Variants in CASQ2 observed in about 807,000 individuals in gnomAD.
The protein encoded by CASQ2 is calsequestrin-2.
Under a neutral mutation model 46.5 loss-of-function variants are expected in CASQ2, and 49 were observed. That is an observed-to-expected ratio of 1.05 (90% CI 0.84 to 1.34). The LOEUF (loss-of-function observed/expected upper bound fraction) is 1.34, where lower values mean the gene tolerates loss of function less well. Ranked by LOEUF, CASQ2 falls within the 40% of genes most tolerant of loss-of-function variation. The pLI is 0.00. For missense variants in CASQ2, 486 were observed against 481.3 expected (o/e 1.01, Z -0.09); for synonymous variants, 174 against 168.5 (o/e 1.03, Z -0.25).
chr1:115,726,890 A>T (rs180818439), intron 6 of CASQ2, 102 bp downstream of exon 6: 1 of 873,942 alleles, frequency 1.1e-6, no homozygotes, highest in Non-Finnish European at 1.9e-6. Flanking sequence ...TGGGGTACTA[A>T]CTAGGTTGTT....
intron 7 of CASQ2, among the ~76,000 whole-genome samples, chr1:115,724,984 A>T (rs78629413): frequency 0.068 from 10,386 of 152,260 alleles, 474 homozygotes; most frequent in Middle Eastern, 0.12. Flanking sequence ...AATTTTGCCT[A>T]GTGAGTAGTA....
At chr1:115,733,056 T>C in intron 4 of CASQ2, 82 bp from the exon 5 acceptor site, 1 of 953,990 alleles carries the variant, frequency 1.0e-6, no homozygotes, top group Non-Finnish European at 1.7e-6. Flanking sequence ...GTGTAGAGAG[T>C]AGAAAGCCAA....
intron 1 of CASQ2, among the ~76,000 whole-genome samples, chr1:115,758,189 C>T (rs1325589428): frequency 6.6e-6 from 1 of 152,250 alleles, no homozygotes; most frequent in African/African-American, 2.4e-5. Flanking sequence ...TCAAACTCTG[C>T]TTCACAATCT....
At chr1:115,718,858 C>T (rs1167642837) in intron 7 of CASQ2, among the ~76,000 whole-genome samples, 1 of 152,108 alleles carries the variant, frequency 6.6e-6, no homozygotes, top group Non-Finnish European at 1.5e-5. Flanking sequence ...TTGGAAGGGG[C>T]TCTGCTATCA....
At chr1:115,767,346 A>G (rs956290513) in intron 1 of CASQ2, among the ~76,000 whole-genome samples, 8 of 152,196 alleles carry the variant, frequency 5.3e-5, no homozygotes, top group African/African-American at 1.9e-4. Context: ...GGATTTTATT[A>G]CAGTCAATTT....
At chr1:115,767,910 A>G (rs1649188592) in intron 1 of CASQ2, among the ~76,000 whole-genome samples, 1 of 152,122 alleles carries the variant, frequency 6.6e-6, no homozygotes, top group African/African-American at 2.4e-5. Context: ...TCATGGGGAG[A>G]TTTGAGGGAG....
chr1:115,742,242 A>G (rs1648209703), intron 2 of CASQ2, among the ~76,000 whole-genome samples: 2 of 151,606 alleles, frequency 1.3e-5, no homozygotes, highest in African/African-American at 4.8e-5. Context: ...TATACTATAT[A>G]TGTATATTAC....
intron 1 of CASQ2, 62 bp downstream of exon 1, chr1:115,768,246 C>T: frequency 9.1e-7 from 1 of 1,100,318 alleles, no homozygotes; most frequent in Non-Finnish European, 1.4e-6. Context: ...AACCCCTGGC[C>T]AAAGGCATTC....
chr1:115,744,990 G>A, intron 1 of CASQ2, 78 bp from the exon 2 acceptor site: 1 of 1,026,448 alleles, frequency 9.7e-7, no homozygotes, highest in South Asian at 1.3e-5. Context: ...CTATCCTCAT[G>A]TATCAATGGA....
At chr1:115,739,396 T>G (rs891052438) in intron 3 of CASQ2, among the ~76,000 whole-genome samples, 2 of 152,116 alleles carry the variant, frequency 1.3e-5, no homozygotes, top group Non-Finnish European at 2.9e-5. Context: ...ATTACAGGCA[T>G]GAGCCACCAC....
At chr1:115,759,042 C>T (rs140620834) in intron 1 of CASQ2, among the ~76,000 whole-genome samples, 78 of 152,272 alleles carry the variant, frequency 5.1e-4, no homozygotes, top group Non-Finnish European at 8.2e-4. Flanking sequence ...GTGTGATTTA[C>T]ATAGGTTGTC....
intron 1 of CASQ2, among the ~76,000 whole-genome samples, chr1:115,764,552 C>A (rs1178107218): frequency 6.6e-6 from 1 of 152,168 alleles, no homozygotes; most frequent in Non-Finnish European, 1.5e-5. Context: ...GGAATCAGAA[C>A]TGCCAGCTGT....
At chr1:115,720,217 C>T (rs969703460) in intron 7 of CASQ2, among the ~76,000 whole-genome samples, 3 of 152,078 alleles carry the variant, frequency 2.0e-5, no homozygotes, top group Admixed American at 6.5e-5. Context: ...ATTTATTTCT[C>T]ACTGTTATGG....
intron 1 of CASQ2, among the ~76,000 whole-genome samples, chr1:115,756,434 G>A (rs1276296398): frequency 1.3e-5 from 2 of 152,184 alleles, no homozygotes; most frequent in African/African-American, 2.4e-5. Flanking sequence ...CATTTTGAAT[G>A]AGCACTAAAG....
In CASQ2 at chr1:115,705,269, G is replaced by C. The variant is rs772096506; in HGVS notation, c.862C>G (p.Leu288Val). 11 of 1,613,450 alleles carry C rather than the reference G, an allele frequency of 6.8e-6. No homozygotes were observed. In the Admixed American group the frequency reaches 1.8e-4, roughly 27 times the overall value. The change falls in exon 9 of 11, where the codon CTG becomes GTG. Residue 288 changes from leucine to valine, a missense_variant. Transcript: ENST00000261448. Reference sequence around the variant, plus strand: ...GTATTGTCCCGGGCAACCTGTTTCAGGATCTCCAGGAATTCGTAGCCATCT... The same window carrying C: ...GTATTGTCCCGGGCAACCTGTTTCACGATCTCCAGGAATTCGTAGCCATCT... ...DPDGYEFLEI[L>V]KQVARDNTDN...
chr1:115,718,463 T>G (rs139522834), intron 7 of CASQ2, among the ~76,000 whole-genome samples: 95 of 152,304 alleles, frequency 6.2e-4, no homozygotes, highest in African/African-American at 2.2e-3. Context: ...GGGCTGGTGT[T>G]GTTCACACAA....
chr1:115,761,689 G>T (rs1278469025), intron 1 of CASQ2, among the ~76,000 whole-genome samples: 1 of 151,472 alleles, frequency 6.6e-6, no homozygotes, highest in Non-Finnish European at 1.5e-5. Context: ...AGTCTGTTAG[G>T]GGCTCTGGCA....
chr1:115,744,692 G>A lies in CASQ2; in HGVS notation c.319+136C>T, dbSNP rs577492335. The A allele has an allele frequency of 4.6e-4, 317 of 695,922 alleles. 5 individuals carry two copies. The South Asian group carries it at 4.6e-3, about 10-fold the overall frequency. The allele number at this position is 695,922 out of a possible 1,614,324, so 43.1% of individuals were successfully genotyped here. A position where few individuals can be genotyped will look rare whatever the true frequency, so the allele number is the denominator to read the frequency against. On this transcript the variant is annotated intron_variant, in intron 2 of 10. Transcript: ENST00000261448. ...TTTATGAAACTCTTCTCCAACCAAA[G>A]ATGAAGGTATGCAGGATCATTTTAT...
chr1:115,743,588 A>C (rs1648270452), intron 2 of CASQ2, among the ~76,000 whole-genome samples: 1 of 152,190 alleles, frequency 6.6e-6, no homozygotes, highest in South Asian at 2.1e-4. Context: ...TTTTAAAAAA[A>C]GACTGGTCTT....
Sources: allele counts gnomAD v4.1 joint callset (sites outside exome capture counted in the v4.1 genomes callset), GRCh38; gene constraint gnomAD v4.1.1; transcripts MANE v1.5; gene names NCBI Gene and HGNC (gene_info 2026-07-23, HGNC 2026-07-21).